Variants in GUCY1A1 observed in about 807,000 individuals in gnomAD.
GUCY1A1 encodes the protein guanylate cyclase soluble subunit alpha-1.
A neutral mutation model predicts 64.5 loss-of-function variants in GUCY1A1; 48 were observed. That is an observed-to-expected ratio of 0.74 (90% CI 0.59 to 0.95). The LOEUF is 0.95. Ranked by LOEUF, GUCY1A1 falls within the 40% of genes least tolerant of loss-of-function variation. The pLI is 0.00. For missense variants in GUCY1A1, 804 were observed against 825.3 expected (o/e 0.97, Z 0.32); for synonymous variants, 308 against 303.4 (o/e 1.02, Z -0.16).
At chr4:155,723,048 A>G (rs1268638383) in intron 9 of GUCY1A1, among the ~76,000 whole-genome samples, 1 of 152,100 alleles carries the variant, frequency 6.6e-6, no homozygotes, top group Non-Finnish European at 1.5e-5. Context: ...TTCTATCCAC[A>G]AGATTGATTT....
chr4:155,703,022 G>A (rs1731298184), intron 3 of GUCY1A1, among the ~76,000 whole-genome samples: 1 of 150,948 alleles, frequency 6.6e-6, no homozygotes, highest in Non-Finnish European at 1.5e-5. Flanking sequence ...GTGAGAGGGA[G>A]GTACATACAT....
chr4:155,671,948 T>G (rs771574444), intron 2 of GUCY1A1, among the ~76,000 whole-genome samples: 21 of 152,138 alleles, frequency 1.4e-4, no homozygotes, highest in Non-Finnish European at 2.2e-4. Context: ...GACTGTCCTC[T>G]GATATATTTA....
Position 155,730,419 on chromosome 4 carries a change from GAA to G in GUCY1A1, c.*201_*202del, listed in dbSNP as rs34880260. 0.017 allele frequency: 5,358 copies of G among 319,216 alleles called. 1 individual carries two copies. The highest frequency in any genetic ancestry group is 0.028 in the Middle Eastern group (30 of 1,074). 19.8% of individuals were successfully genotyped at this position (319,216 alleles called of 1,614,324 possible). A position where few individuals can be genotyped will look rare whatever the true frequency, so the allele number is the denominator to read the frequency against. ...TCACTTCAGTACTTCAGCTCTTCAA[GAA>G]AAAAAAAAAAAACCTTAAAAAGCTA... On this transcript the variant is annotated 3_prime_UTR_variant, in exon 10 of 10. Transcript: ENST00000506455.
intron 8 of GUCY1A1, among the ~76,000 whole-genome samples, chr4:155,720,801 C>A (rs1051322428): frequency 7.9e-5 from 12 of 152,100 alleles, no homozygotes; most frequent in African/African-American, 2.7e-4. Flanking sequence ...ACATCTAATA[C>A]AACTTTTTAA....
chr4:155,675,085 T>C (rs1578996644), intron 2 of GUCY1A1, among the ~76,000 whole-genome samples: 2 of 151,692 alleles, frequency 1.3e-5, no homozygotes, highest in East Asian at 3.9e-4. Flanking sequence ...ATGTGGTCCA[T>C]AGCTGACAGA....
chr4:155,708,512 A>G (rs1344665036), intron 5 of GUCY1A1, among the ~76,000 whole-genome samples: 2 of 152,178 alleles, frequency 1.3e-5, no homozygotes, highest in Non-Finnish European at 2.9e-5. Flanking sequence ...AGGAGTAGAT[A>G]AGGCTAGATG....
At chr4:155,681,413 A>G (rs982538402) in intron 2 of GUCY1A1, among the ~76,000 whole-genome samples, 13 of 152,220 alleles carry the variant, frequency 8.5e-5, no homozygotes, top group African/African-American at 3.1e-4. Flanking sequence ...GCTGTTTCCC[A>G]ATCCACAGAT....
chr4:155,690,729 A>G (rs1168182404), intron 2 of GUCY1A1, among the ~76,000 whole-genome samples: 1 of 152,146 alleles, frequency 6.6e-6, no homozygotes, highest in Non-Finnish European at 1.5e-5. Flanking sequence ...CAGATCTCTG[A>G]TTTACATTCC....
At chr4:155,723,650 T>G (rs1354331183) in intron 9 of GUCY1A1, among the ~76,000 whole-genome samples, 1 of 150,128 alleles carries the variant, frequency 6.7e-6, no homozygotes, top group African/African-American at 2.4e-5. Flanking sequence ...ATTTATTTAT[T>G]TATTTATTTA....
chr4:155,693,153 G>C (rs2126711160), intron 2 of GUCY1A1, among the ~76,000 whole-genome samples: 1 of 152,170 alleles, frequency 6.6e-6, no homozygotes, highest in Admixed American at 6.5e-5. Context: ...ATCTGTCCCT[G>C]TTATTAATAC....
chr4:155,683,543 C>G (rs1178863721), intron 2 of GUCY1A1, among the ~76,000 whole-genome samples: 1 of 152,032 alleles, frequency 6.6e-6, no homozygotes, highest in Non-Finnish European at 1.5e-5. Flanking sequence ...AAATAGCAAA[C>G]TTGATTAAGT....
intron 4 of GUCY1A1, among the ~76,000 whole-genome samples, chr4:155,704,752 C>T (rs1731514688): frequency 6.6e-6 from 1 of 152,118 alleles, no homozygotes; most frequent in South Asian, 2.1e-4. Flanking sequence ...GGGTCTCACT[C>T]TGTCATCCAG....
At chr4:155,720,155 A>G (rs1733771951) in intron 8 of GUCY1A1, among the ~76,000 whole-genome samples, 1 of 152,134 alleles carries the variant, frequency 6.6e-6, no homozygotes, top group Non-Finnish European at 1.5e-5. Context: ...AGCAGAATAT[A>G]TTTACATTTT....
At chr4:155,688,253 A>G (rs1201193681) in intron 2 of GUCY1A1, among the ~76,000 whole-genome samples, 1 of 151,898 alleles carries the variant, frequency 6.6e-6, no homozygotes, top group Non-Finnish European at 1.5e-5. Context: ...AAAAAAAAAA[A>G]AACTCATCAT....
rs1350120330 is a variant in GUCY1A1 at position 155,731,981 on chromosome 4, A to G, written c.*1750A>G. On this transcript the variant is annotated 3_prime_UTR_variant, in exon 10 of 10. Coordinates refer to ENST00000506455, the MANE Select transcript of GUCY1A1 (RefSeq NM_001130682.3). ...GAGAAAGTATAGTTACATCCTCACA[A>G]ATATATGAAGTTAAGTCACTACTTA... 1 of 150,930 alleles carries G rather than the reference A, an allele frequency of 6.6e-6. No individual in the cohort carries two copies. Among genetic ancestry groups the G allele is most frequent in the Non-Finnish European group, 1.5e-5 (1 of 67,730 alleles). The allele number at this position is 150,930 out of a possible 1,614,324, so 9.3% of individuals were successfully genotyped here.
At position 155,733,582 on chromosome 4, in the gene GUCY1A1, C is replaced by T. The variant is rs1735769910; in HGVS notation, c.*3351C>T. On this transcript the variant is annotated 3_prime_UTR_variant, in exon 10 of 10. Transcript: ENST00000506455. The stretch of plus-strand genomic sequence containing the variant: ...TTACATGACCTTAAGTAGTTATCAA[C>T]ATTACCATAATAGTAATATTAATAA... 2.0e-5 allele frequency among the ~76,000 whole-genome samples: 3 copies of T among 150,476 alleles called. No individual in the cohort carries two copies. In the Admixed American group the frequency reaches 2.0e-4, roughly 10 times the overall value.
rs772208339 is a variant in GUCY1A1, at chr4:155,713,380, A to G, written c.1369A>G (p.Ile457Val). The G allele has an allele frequency of 5.0e-6, 8 of 1,614,018 alleles. No homozygotes were observed. The highest frequency in any genetic ancestry group is 4.0e-5 in the African/African-American group (3 of 74,948). ...KKKTVDLLCS[I>V]FPCEVAQQLW... ...AAAGACAGTAGACCTTCTGTGCTCC[A>G]TATTTCCCTGTGAGGTTGCTCAGCA... The change falls in exon 7 of 10, where the codon ATA (isoleucine) becomes GTA (valine). Residue 457 changes from isoleucine to valine, a missense_variant. Coordinates refer to ENST00000506455, the MANE Select transcript of GUCY1A1 (RefSeq NM_001130682.3).
chr4:155,726,535 A>G (rs1328068907), intron 9 of GUCY1A1, among the ~76,000 whole-genome samples: 1 of 151,920 alleles, frequency 6.6e-6, no homozygotes, highest in Non-Finnish European at 1.5e-5. Flanking sequence ...CTGGAATGAT[A>G]TTTCTTTAAT....
At chr4:155,728,856 CAGACTT>C (rs1454475344) in intron 9 of GUCY1A1, among the ~76,000 whole-genome samples, 1 of 151,876 alleles carries the variant, frequency 6.6e-6, no homozygotes, top group African/African-American at 2.4e-5. Flanking sequence ...CTAGAGCTAT[CAGACTT>C]TGAAGCTTAT....
Sources: allele counts gnomAD v4.1 joint callset (sites outside exome capture counted in the v4.1 genomes callset), GRCh38; gene constraint gnomAD v4.1.1; transcripts MANE v1.5; gene names NCBI Gene and HGNC (gene_info 2026-07-23, HGNC 2026-07-21).